GRID2: variants seen among roughly 807,000 people sequenced by gnomAD.
The protein encoded by GRID2 is glutamate receptor ionotropic, delta-2.
GRID2 carries 33 observed loss-of-function variants against 114.8 expected under a neutral mutation model. The ratio of observed to expected loss-of-function variants is 0.29; its 90% CI spans 0.22 to 0.38. The LOEUF (loss-of-function observed/expected upper bound fraction) is 0.38. GRID2 is among the 10% of genes least tolerant of loss of function. GRID2 has a pLI of 1.00. For missense variants in GRID2, 1,184 were observed against 1,257.7 expected, an observed-to-expected ratio of 0.94 and a Z score of 0.89; for synonymous variants, 505 against 449.9, an observed-to-expected ratio of 1.12 and a Z score of -1.55.
At chr4:92,907,673 G>T (rs1298254595) in intron 2 of GRID2, among the ~76,000 whole-genome samples, 1 of 152,050 alleles carries the variant, frequency 6.6e-6, no homozygotes, top group African/African-American at 2.4e-5. Flanking sequence ...GCCTCCCAAA[G>T]TGTTGGGAAT....
chr4:92,636,727 G>A (rs1431291083), intron 2 of GRID2, among the ~76,000 whole-genome samples: 4 of 152,102 alleles, frequency 2.6e-5, no homozygotes, highest in African/African-American at 4.8e-5. Context: ...TCGGGTCCCA[G>A]CGTCCCCTGC....
At chr4:92,719,363 G>A (rs1735703661) in intron 2 of GRID2, among the ~76,000 whole-genome samples, 1 of 152,098 alleles carries the variant, frequency 6.6e-6, no homozygotes, top group Non-Finnish European at 1.5e-5. Context: ...TATGTTTATA[G>A]AAAGCATATT....
intron 4 of GRID2, among the ~76,000 whole-genome samples, chr4:93,192,678 C>T: frequency 7.3e-6 from 1 of 137,918 alleles, no homozygotes; most frequent in Non-Finnish European, 1.5e-5. Context: ...ACCTGGGAGG[C>T]AGAGGTTGCA....
chr4:92,993,716 C>T (rs1019086339), intron 2 of GRID2, among the ~76,000 whole-genome samples: 9 of 152,124 alleles, frequency 5.9e-5, no homozygotes, highest in African/African-American at 2.2e-4. Context: ...TGGACAACCT[C>T]AAAGACTACA....
chr4:93,067,722 T>A (rs1728429718), intron 2 of GRID2, among the ~76,000 whole-genome samples: 1 of 152,044 alleles, frequency 6.6e-6, no homozygotes, highest in Non-Finnish European at 1.5e-5. Flanking sequence ...CACCTTATTA[T>A]TTGTTTAACA....
At chr4:92,989,585 T>C (rs1467745082) in intron 2 of GRID2, among the ~76,000 whole-genome samples, 1 of 152,178 alleles carries the variant, frequency 6.6e-6, no homozygotes, top group African/African-American at 2.4e-5. Context: ...GTATTTGATG[T>C]CATTTTACTA....
At position 93,722,211 on chromosome 4, in the gene GRID2, C is replaced by T. The variant is rs527985904; in HGVS notation, c.2361-46999C>T. On this transcript the variant is annotated intron_variant, in intron 14 of 15. Coordinates refer to ENST00000282020, the MANE Select transcript of GRID2 (RefSeq NM_001510.4). ...GATTACAGGCATGAGCCACCACGCC[C>T]GGCCAATAAGTTGTTAATATTATAC... Among the ~76,000 whole-genome samples, 8 of 151,992 alleles carry T rather than the reference C, an allele frequency of 5.3e-5. No individual in the cohort carries two copies. In the South Asian group the frequency reaches 6.2e-4, roughly 12 times the overall value.
chr4:93,676,045 C>T (rs748127593), intron 14 of GRID2, among the ~76,000 whole-genome samples: 2 of 152,054 alleles, frequency 1.3e-5, no homozygotes, highest in Non-Finnish European at 2.9e-5. Flanking sequence ...TGAATACACC[C>T]GGGAAGAGTT....
chr4:92,959,356 A>G (rs1259813080), intron 2 of GRID2, among the ~76,000 whole-genome samples: 1 of 151,922 alleles, frequency 6.6e-6, no homozygotes, highest in Non-Finnish European at 1.5e-5. Flanking sequence ...CACTGCTTTC[A>G]TTACATCTTA....
chr4:92,439,626 T>A (rs1395134465), intron 1 of GRID2, among the ~76,000 whole-genome samples: 5 of 144,832 alleles, frequency 3.5e-5, no homozygotes, highest in African/African-American at 4.9e-5. Context: ...AGAAGAAACA[T>A]TTGTCGTATA....
intron 12 of GRID2, among the ~76,000 whole-genome samples, chr4:93,507,822 G>A (rs556097934): frequency 1.3e-5 from 2 of 152,174 alleles, no homozygotes; most frequent in South Asian, 4.2e-4. Flanking sequence ...CTTTTTATTT[G>A]CCTTGCCTCT....
intron 2 of GRID2, among the ~76,000 whole-genome samples, chr4:93,031,881 T>A (rs533590078): frequency 1.3e-5 from 2 of 152,170 alleles, no homozygotes; most frequent in Non-Finnish European, 2.9e-5. Context: ...ACAATTGTTT[T>A]GGACCATTTA....
At chr4:93,001,061 A>G (rs1720929276) in intron 2 of GRID2, among the ~76,000 whole-genome samples, 1 of 151,686 alleles carries the variant, frequency 6.6e-6, no homozygotes, top group Non-Finnish European at 1.5e-5. Context: ...TTTGCTAGTA[A>G]TTAAACATCT....
intron 2 of GRID2, among the ~76,000 whole-genome samples, chr4:92,798,648 G>A (rs1740004757): frequency 6.6e-6 from 1 of 152,004 alleles, no homozygotes; most frequent in Admixed American, 6.6e-5. Context: ...ACTCTCTGAA[G>A]AATCTCTGTC....
chr4:93,212,608 T>A (rs76205533), intron 5 of GRID2, among the ~76,000 whole-genome samples: 1 of 152,094 alleles, frequency 6.6e-6, no homozygotes, highest in African/African-American at 2.4e-5. Flanking sequence ...AGAAGCACAA[T>A]GCTTCATATA....
rs1044253369 is a variant in GRID2, at chr4:92,538,370, A to T, written c.89-51761A>T. Among the ~76,000 whole-genome samples the T allele has an allele frequency of 6.6e-5, 10 of 152,160 alleles. No homozygotes were observed. In the East Asian group the frequency reaches 1.5e-3, roughly 23 times the overall value. On this transcript the variant is annotated intron_variant, in intron 1 of 15. Coordinates refer to ENST00000282020, the MANE Select transcript of GRID2 (RefSeq NM_001510.4). ...TAGATTCTAAATTGAGTGTACAGGG[A>T]TGCTTCTTTTTCATCTATATGATCC...
intron 2 of GRID2, among the ~76,000 whole-genome samples, chr4:92,925,050 C>G (rs1170237831): frequency 6.6e-6 from 1 of 152,034 alleles, no homozygotes; most frequent in Non-Finnish European, 1.5e-5. Context: ...TTAATCTAAG[C>G]AAGGGTCCAG....
At chr4:92,519,433 A>T (rs1724662059) in intron 1 of GRID2, among the ~76,000 whole-genome samples, 1 of 151,662 alleles carries the variant, frequency 6.6e-6, no homozygotes. Context: ...TCAGAATCTA[A>T]GTACTAAAAA....
chr4:93,200,566 AAAACAAAC>A (rs35790342), intron 4 of GRID2, among the ~76,000 whole-genome samples: 3,389 of 149,852 alleles, frequency 0.023, 157 homozygotes, highest in African/African-American at 0.08. Flanking sequence ...ACTCCGTCTC[AAAACAAAC>A]AAACAAACAA....
Sources: gnomAD v4.1 joint callset for allele counts (sites outside exome capture counted in the v4.1 genomes callset) on GRCh38, gnomAD v4.1.1 for gene constraint, MANE v1.5 for transcripts, NCBI Gene and HGNC (gene_info 2026-07-23, HGNC 2026-07-21) for gene names.